Variants in SLC35F5 observed in about 807,000 individuals in gnomAD.
SLC35F5 encodes the protein solute carrier family 35 member F5.
Under a neutral mutation model 68.6 loss-of-function variants are expected in SLC35F5, and 54 were observed. The ratio of observed to expected loss-of-function variants is 0.79; its 90% CI spans 0.63 to 0.99. SLC35F5 has a LOEUF of 0.99. SLC35F5 is among the 50% of genes least tolerant of loss of function. The pLI, the probability that SLC35F5 is intolerant of heterozygous loss-of-function variation, is 0.00. For missense variants in SLC35F5, 567 were observed against 626.9 expected, an observed-to-expected ratio of 0.90 and a Z score of 1.02; for synonymous variants, 211 against 205.2, an observed-to-expected ratio of 1.03 and a Z score of -0.24.
intron 14 of SLC35F5, among the ~76,000 whole-genome samples, chr2:113,718,952 G>GAAGA (rs536754938): frequency 5.5e-5 from 8 of 146,788 alleles, no homozygotes; most frequent in Admixed American, 1.4e-4. Context: ...AGGAAGGAAG[G>GAAGA]AAGAAAGAAA....
intron 9 of SLC35F5, 46 bp downstream of exon 9, chr2:113,734,540 T>A: frequency 9.3e-7 from 1 of 1,074,200 alleles, no homozygotes; most frequent in Non-Finnish European, 1.4e-6. Flanking sequence ...AATTGTAATA[T>A]TGTATTTTTA....
At chr2:113,745,549 G>A (rs1272425883) in intron 5 of SLC35F5, among the ~76,000 whole-genome samples, 2 of 152,148 alleles carry the variant, frequency 1.3e-5, no homozygotes, top group Non-Finnish European at 2.9e-5. Context: ...TAGTGGTGGA[G>A]TATGCTTGTA....
chr2:113,718,924 A>AGAAAGAAAGAAG (rs1559318332), intron 14 of SLC35F5, among the ~76,000 whole-genome samples: 1 of 49,620 alleles, frequency 2.0e-5, no homozygotes, highest in African/African-American at 5.8e-5. Flanking sequence ...AAAGAAAGAA[A>AGAAAGAAAGAAG]GAAAAAGAAA....
chr2:113,738,722 CA>C (rs2104453831), intron 7 of SLC35F5, among the ~76,000 whole-genome samples: 1 of 140,254 alleles, frequency 7.1e-6, no homozygotes, highest in East Asian at 2.1e-4. Flanking sequence ...ATACAGTAAT[CA>C]TTAACTCCTT....
At chr2:113,722,254 G>A (rs936684221) in intron 13 of SLC35F5, among the ~76,000 whole-genome samples, 1 of 152,104 alleles carries the variant, frequency 6.6e-6, no homozygotes, top group East Asian at 1.9e-4. Flanking sequence ...GATTACAGGC[G>A]TGAGCCACTG....
chr2:113,746,402 G>A, intron 4 of SLC35F5, 63 bp from the exon 5 acceptor site: 1 of 1,325,406 alleles, frequency 7.5e-7, no homozygotes, highest in Non-Finnish European at 1.1e-6. Context: ...GGACTAGTCA[G>A]ACGTAACTCA....
chr2:113,729,788 A>G (rs1281868848), intron 10 of SLC35F5, among the ~76,000 whole-genome samples: 2 of 152,172 alleles, frequency 1.3e-5, no homozygotes, highest in Non-Finnish European at 2.9e-5. Flanking sequence ...TTATAATAAT[A>G]CAACTCCAAA....
In SLC35F5 at chr2:113,712,718, C is replaced by G. The variant is rs1559307978; in HGVS notation, c.*2500G>C. The G allele has an allele frequency of 2.6e-5, 4 of 152,132 alleles. No homozygotes were observed. In the South Asian group the frequency reaches 8.3e-4, roughly 32 times the overall value. 9.4% of individuals were successfully genotyped at this position (152,132 alleles called of 1,614,324 possible). Reference sequence around the variant, plus strand: ...CCTGACAAAACAGACTTCCTTCAATCCAGGTCATAATTTGAAACGTTATAC... The same window carrying G: ...CCTGACAAAACAGACTTCCTTCAATGCAGGTCATAATTTGAAACGTTATAC... On this transcript the variant is annotated 3_prime_UTR_variant, in exon 16 of 16. Transcript: ENST00000245680.
In SLC35F5 at chr2:113,719,387, T is replaced by C. The variant is rs574239478; in HGVS notation, c.1342-79A>G. ...TTTCCCCTTCAATGTAAGTTTTCTA[T>C]TTGTGAAAACTAGCAGGAATAAGAA... is the stretch of plus-strand genomic sequence containing the variant. On this transcript the variant is annotated intron_variant, in intron 13 of 15. Transcript: ENST00000245680. The C allele has an allele frequency of 5.4e-5, 71 of 1,322,250 alleles. 1 individual carries two copies. In the African/African-American group the frequency reaches 8.9e-4, roughly 17 times the overall value. The allele number at this position is 1,322,250 out of a possible 1,614,324, so 81.9% of individuals were successfully genotyped here.
rs539255912 is a variant in SLC35F5, at chr2:113,750,407, T to C, written c.417+18A>G. 4.4e-6 allele frequency: 7 copies of C among 1,578,548 alleles called. No homozygotes were observed. The highest frequency in any genetic ancestry group is 1.4e-5 in the African/African-American group (1 of 73,354). On this transcript the variant is annotated intron_variant, in intron 4 of 15. Coordinates refer to ENST00000245680, the MANE Select transcript of SLC35F5 (RefSeq NM_025181.5). Reference sequence around the variant, plus strand: ...TCTATACCCCCTTCCTAACAGACAGTTAAAATTAAAAACTTACAAAAGCAG... The same window carrying C: ...TCTATACCCCCTTCCTAACAGACAGCTAAAATTAAAAACTTACAAAAGCAG...
chr2:113,750,881 AAGCCAATAATCCC>A (rs1676710993), intron 3 of SLC35F5, among the ~76,000 whole-genome samples: 1 of 152,254 alleles, frequency 6.6e-6, no homozygotes, highest in Non-Finnish European at 1.5e-5. Context: ...GCGGAGGCCC[AAGCCAATAATCCC>A]AGCACGTGGG....
chr2:113,725,765 T>C (rs1462616564), intron 11 of SLC35F5: 1 of 392,396 alleles, frequency 2.5e-6, no homozygotes. Context: ...ACCCACATTG[T>C]ATGGGAGCAA....
Position 113,756,537 on chromosome 2 carries a change from G to A in SLC35F5, c.-128C>T. ...CTCCTGAAGACGCGGTGCCCCTCAG[G>A]GAGAGGCTCCCGACACCACCCAACT... is the stretch of plus-strand genomic sequence containing the variant. On this transcript the variant is annotated 5_prime_UTR_variant, in exon 1 of 16. Transcript: ENST00000245680. 1 of 1,484,486 alleles carries A rather than the reference G, an allele frequency of 6.7e-7. No homozygotes were observed. Among genetic ancestry groups the A allele is most frequent in the Non-Finnish European group, 8.9e-7 (1 of 1,121,192 alleles). The allele number at this position is 1,484,486 out of a possible 1,614,324, so 92.0% of individuals were successfully genotyped here. A position where few individuals can be genotyped will look rare whatever the true frequency, so the allele number is the denominator to read the frequency against.
At chr2:113,725,618 G>T in intron 11 of SLC35F5, 81 bp from the exon 12 acceptor site, 1 of 1,345,778 alleles carries the variant, frequency 7.4e-7, no homozygotes, top group Non-Finnish European at 9.9e-7. Context: ...ATCAAAATTA[G>T]ATTTTGCACA....
Position 113,711,535 on chromosome 2 carries a change from A to C in SLC35F5, c.*3683T>G, listed in dbSNP as rs1686983135. Among the ~76,000 whole-genome samples, 1 of 152,180 alleles carries C rather than the reference A, an allele frequency of 6.6e-6. No individual in the cohort carries two copies. Among genetic ancestry groups the C allele is most frequent in the African/African-American group, 2.4e-5 (1 of 41,454 alleles). Reference sequence around the variant, plus strand: ...CTATAAAAAAAATGTGGTGTCTAAAAATTGCAAGTCTATGTGAAAAATCAA... The same window carrying C: ...CTATAAAAAAAATGTGGTGTCTAAACATTGCAAGTCTATGTGAAAAATCAA... On this transcript the variant is annotated 3_prime_UTR_variant, in exon 16 of 16. Coordinates refer to ENST00000245680, the MANE Select transcript of SLC35F5 (RefSeq NM_025181.5).
Position 113,756,463 on chromosome 2 carries a change from C to T in SLC35F5, c.-54G>A. ...CCAGCGCCACGGCCGCGGCCTCGGA[C>T]TCACAGAGCTGTCACCGCGCCTGAC... On this transcript the variant is annotated 5_prime_UTR_variant, in exon 1 of 16. Transcript: ENST00000245680. 6.5e-7 allele frequency: 1 copy of T among 1,534,410 alleles called. No homozygotes were observed. The highest frequency in any genetic ancestry group is 1.4e-5 in the African/African-American group (1 of 72,792).
intron 7 of SLC35F5, among the ~76,000 whole-genome samples, chr2:113,737,090 G>A (rs1400667612): frequency 6.6e-6 from 1 of 152,012 alleles, no homozygotes; most frequent in Non-Finnish European, 1.5e-5. Flanking sequence ...CTAGTTTTTG[G>A]TGTCTCTGTT....
intron 1 of SLC35F5, 99 bp from the exon 2 acceptor site, chr2:113,755,643 T>C: frequency 1.6e-6 from 2 of 1,255,378 alleles, no homozygotes; most frequent in Admixed American, 4.0e-5. Context: ...TCAAAGCAAA[T>C]CAATGAAAAG....
At chr2:113,755,794 A>G in intron 1 of SLC35F5, 4 of 1,484,796 alleles carry the variant, frequency 2.7e-6, no homozygotes, top group Non-Finnish European at 3.7e-6. Flanking sequence ...GGCACATTTA[A>G]GAACAGTTAA....
Sources: allele counts gnomAD v4.1 joint callset (sites outside exome capture counted in the v4.1 genomes callset), GRCh38; gene constraint gnomAD v4.1.1; transcripts MANE v1.5; gene names NCBI Gene and HGNC (gene_info 2026-07-23, HGNC 2026-07-21).